Variants in GLI3 observed in about 807,000 individuals in gnomAD.
GLI3 encodes transcription activator GLI3.
GLI3 carries 20 observed loss-of-function variants against 100.8 expected under a neutral mutation model. That is an observed-to-expected ratio of 0.20 (90% CI 0.14 to 0.29). GLI3 has a LOEUF of 0.29. GLI3 is among the 10% of genes least tolerant of loss of function. The probability of loss-of-function intolerance (pLI) is 1.00; values close to 1 mark genes in which losing one functional copy is unlikely to be tolerated. For synonymous variants in GLI3, 938 were observed against 860.5 expected (o/e 1.09, Z -1.58); for missense variants, 2,040 against 2,128.5 (o/e 0.96, Z 0.82).
chr7:42,203,970 G>T (rs1358643943), intron 2 of GLI3, among the ~76,000 whole-genome samples: 1 of 152,156 alleles, frequency 6.6e-6, no homozygotes, highest in Non-Finnish European at 1.5e-5. Context: ...CCGCACTCCA[G>T]CCTGGGGTGA....
intron 13 of GLI3, among the ~76,000 whole-genome samples, chr7:41,971,839 C>T (rs1335140924): frequency 1.3e-5 from 2 of 152,198 alleles, no homozygotes; most frequent in African/African-American, 4.8e-5. Flanking sequence ...TCCTCTGCCC[C>T]GACTGACCGG....
intron 1 of GLI3, among the ~76,000 whole-genome samples, chr7:42,262,225 T>TTTCTTTCCTTCCTTCCTTCC (rs1789151608): frequency 8.4e-6 from 1 of 118,700 alleles, no homozygotes; most frequent in Non-Finnish European, 1.7e-5. Flanking sequence ...TCCTTCCTTC[T>TTTCTTTCCTTCCTTCCTTCC]TTCCTTCCTT....
At chr7:42,212,897 A>G (rs1271257414) in intron 2 of GLI3, among the ~76,000 whole-genome samples, 1 of 152,184 alleles carries the variant, frequency 6.6e-6, no homozygotes, top group Non-Finnish European at 1.5e-5. Flanking sequence ...GCAGCCCAAC[A>G]CCAAACAATA....
intron 3 of GLI3, among the ~76,000 whole-genome samples, chr7:42,125,270 G>C (rs929670148): frequency 6.6e-6 from 1 of 152,038 alleles, no homozygotes; most frequent in Non-Finnish European, 1.5e-5. Flanking sequence ...TCCCTGTCTG[G>C]GCCCTTGGAC....
At chr7:41,995,670 C>T (rs1202951008) in intron 10 of GLI3, among the ~76,000 whole-genome samples, 1 of 152,062 alleles carries the variant, frequency 6.6e-6, no homozygotes, top group African/African-American at 2.4e-5. Flanking sequence ...GAACATTTCC[C>T]AAATGCCTTT....
At chr7:42,113,447 T>C in intron 3 of GLI3, 1 of 737,562 alleles carries the variant, frequency 1.4e-6, no homozygotes, top group Non-Finnish European at 2.5e-6. Flanking sequence ...TCCACAAAGT[T>C]GTCTGCTAAA....
Position 42,170,936 on chromosome 7 carries a change from T to C in GLI3, c.125-22468A>G, listed in dbSNP as rs184618043. 3.3e-5 allele frequency among the ~76,000 whole-genome samples: 5 copies of C among 152,278 alleles called. No individual in the cohort carries two copies. In the East Asian group the frequency reaches 9.7e-4, roughly 29 times the overall value. On this transcript the variant is annotated intron_variant, in intron 2 of 14. Transcript: ENST00000395925. ...ATATAACCTGTGAGCTTTTTGTGGCTTCTCCCTGCAGCAACAATCTGATTG... is the reference window on the plus strand; with the variant it reads ...ATATAACCTGTGAGCTTTTTGTGGCCTCTCCCTGCAGCAACAATCTGATTG...
chr7:42,038,515 G>A (rs1390208819), intron 7 of GLI3, among the ~76,000 whole-genome samples: 1 of 152,168 alleles, frequency 6.6e-6, no homozygotes, highest in African/African-American at 2.4e-5. Context: ...GGCAAAGCTG[G>A]AATCTGACCA....
intron 10 of GLI3, among the ~76,000 whole-genome samples, chr7:41,991,592 G>T (rs1327282156): frequency 6.6e-6 from 1 of 152,196 alleles, no homozygotes; most frequent in Non-Finnish European, 1.5e-5. Context: ...TTTAGAGAAA[G>T]AGCATAAGCC....
At chr7:42,029,457 C>T (rs1789220391) in intron 7 of GLI3, among the ~76,000 whole-genome samples, 1 of 152,144 alleles carries the variant, frequency 6.6e-6, no homozygotes, top group African/African-American at 2.4e-5. Context: ...AGGATGCCTC[C>T]CACGCATACC....
chr7:42,235,057 C>T (rs963376091), intron 1 of GLI3, among the ~76,000 whole-genome samples: 1 of 152,142 alleles, frequency 6.6e-6, no homozygotes, highest in Admixed American at 6.5e-5. Context: ...TTTAATATAT[C>T]CCCTCAACTG....
At chr7:42,061,201 G>A (rs1156290858) in intron 4 of GLI3, among the ~76,000 whole-genome samples, 3 of 152,166 alleles carry the variant, frequency 2.0e-5, no homozygotes, top group African/African-American at 7.2e-5. Flanking sequence ...AGGTGTTATA[G>A]AGGATATTTA....
intron 2 of GLI3, among the ~76,000 whole-genome samples, chr7:42,220,008 A>G (rs1788454182): frequency 6.6e-6 from 1 of 151,948 alleles, no homozygotes; most frequent in Admixed American, 6.6e-5. Flanking sequence ...CACCCGCCAC[A>G]CGCCCAGCTA....
chr7:41,979,842 C>T (rs1420049829), intron 10 of GLI3, among the ~76,000 whole-genome samples: 1 of 152,160 alleles, frequency 6.6e-6, no homozygotes, highest in Non-Finnish European at 1.5e-5. Context: ...CTCCATGCCT[C>T]GTGTGGTAGT....
intron 3 of GLI3, among the ~76,000 whole-genome samples, chr7:42,077,916 G>A (rs1303503113): frequency 6.6e-6 from 1 of 152,202 alleles, no homozygotes; most frequent in African/African-American, 2.4e-5. Context: ...GCCAGGACAT[G>A]TTCTTCAAAT....
rs746723412 is a variant in GLI3, at chr7:41,972,590, C to T, written c.1850G>A (p.Arg617His). ...YVCKIPGCTK[R>H]YTDPSSLRKH... ...CCGGAGGGAGCTTGGGTCTGTGTAA[C>T]GCTTAGTGCAGCCTGGGATTTTGCA... is the stretch of plus-strand genomic sequence containing the variant. Residue 617 changes from arginine to histidine, a missense_variant, in exon 13 of 15, where the codon CGT becomes CAT. Coordinates refer to ENST00000395925, the MANE Select transcript of GLI3 (RefSeq NM_000168.6). The surrounding 1 kb of genome is among the most constrained non-coding windows in gnomAD (Gnocchi z 4.4). The T allele has an allele frequency of 1.2e-5, 19 of 1,608,486 alleles. No individual in the cohort carries two copies. The highest frequency in any genetic ancestry group is 2.2e-5 in the East Asian group (1 of 44,876).
At position 42,193,304 on chromosome 7, in the gene GLI3, A is replaced by G. The variant is rs1299768472; in HGVS notation, c.124+29826T>C. ...AGCTGTTCTTATAAACAATGAGCCC[A>G]TTCAAAAGGGGTTTAAAAAAATCCC... On this transcript the variant is annotated intron_variant, in intron 2 of 14. Coordinates refer to ENST00000395925, the MANE Select transcript of GLI3 (RefSeq NM_000168.6). Among the ~76,000 whole-genome samples, 6 of 152,188 alleles carry G rather than the reference A, an allele frequency of 3.9e-5. No homozygotes were observed. The South Asian group carries it at 6.2e-4, about 16-fold the overall frequency.
intron 2 of GLI3, among the ~76,000 whole-genome samples, chr7:42,211,271 G>A (rs1216982853): frequency 6.6e-6 from 1 of 152,092 alleles, no homozygotes; most frequent in Non-Finnish European, 1.5e-5. Context: ...GTAAATAAAT[G>A]TGAGATTATT....
At chr7:42,158,663 G>A (rs1932935010) in intron 2 of GLI3, among the ~76,000 whole-genome samples, 1 of 151,942 alleles carries the variant, frequency 6.6e-6, no homozygotes, top group Admixed American at 6.6e-5. Context: ...GCTAATTTTT[G>A]TATTTTTAGT....
Sources: allele counts gnomAD v4.1 joint callset (sites outside exome capture counted in the v4.1 genomes callset), GRCh38; gene constraint gnomAD v4.1.1; non-coding constraint Gnocchi (gnomAD v3.1); transcripts MANE v1.5; gene names NCBI Gene and HGNC (gene_info 2026-07-23, HGNC 2026-07-21).